COL22A1: variants seen among roughly 807,000 people sequenced by gnomAD.
COL22A1 encodes the protein collagen alpha-1(XXII) chain.
In COL22A1, 221 loss-of-function variants were observed where a neutral mutation model predicts 248.9. The ratio of observed to expected loss-of-function variants is 0.89; its 90% confidence interval spans 0.80 to 0.99. COL22A1 has a LOEUF of 0.99. Among genes scored for constraint, COL22A1 ranks in the 50% least tolerant of loss-of-function variants. The pLI is 0.00. For missense variants in COL22A1, 2,240 were observed against 2,179.0 expected (o/e 1.03, Z -0.56); for synonymous variants, 891 against 793.4 (o/e 1.12, Z -2.07).
At chr8:138,711,462 C>T (rs1323689264) in intron 30 of COL22A1, among the ~76,000 whole-genome samples, 1 of 152,194 alleles carries the variant, frequency 6.6e-6, no homozygotes, top group Non-Finnish European at 1.5e-5. Context: ...ATGGCCCTGG[C>T]AATTCCGTCC....
intron 61 of COL22A1, 139 bp downstream of exon 61, chr8:138,598,580 A>C (rs1817735803): frequency 1.3e-6 from 1 of 758,272 alleles, no homozygotes; most frequent in Admixed American, 2.9e-5. Context: ...AGAGAGGAAA[A>C]GTAGCCTGCC....
In COL22A1 at chr8:138,596,990, G is replaced by A; in HGVS notation, c.4366-20C>T. 6.2e-7 allele frequency: 1 copy of A among 1,605,412 alleles called. No individual in the cohort carries two copies. Among genetic ancestry groups the A allele is most frequent in the Non-Finnish European group, 8.5e-7 (1 of 1,172,646 alleles). ...CTCCCCCTAGGAGGGAGGGAAGGTG[G>A]AGTCATTCATCTTCCCAGTAACTTC... On this transcript the variant is annotated intron_variant, in intron 61 of 64. Coordinates refer to ENST00000303045, the MANE Select transcript of COL22A1 (RefSeq NM_152888.3).
intron 6 of COL22A1, among the ~76,000 whole-genome samples, chr8:138,824,343 C>A (rs537897957): frequency 2.6e-4 from 39 of 152,292 alleles, no homozygotes; most frequent in African/African-American, 9.4e-4. Context: ...AAGGCACTTT[C>A]TATGTCAGCT....
chr8:138,619,562 T>C (rs374483958), intron 52 of COL22A1, 54 bp from the exon 53 acceptor site: 10 of 1,528,978 alleles, frequency 6.5e-6, no homozygotes, highest in Non-Finnish European at 9.1e-6. Flanking sequence ...AGAATCTTCC[T>C]ATTCCTGGCT....
At chr8:138,679,011 G>A (rs1825768833) in intron 40 of COL22A1, among the ~76,000 whole-genome samples, 1 of 152,166 alleles carries the variant, frequency 6.6e-6, no homozygotes, top group Admixed American at 6.5e-5. Flanking sequence ...GACCTCTCAA[G>A]TTCAAGCAAT....
chr8:138,630,476 T>A (rs1820611881), intron 50 of COL22A1, among the ~76,000 whole-genome samples: 1 of 152,182 alleles, frequency 6.6e-6, no homozygotes, highest in Non-Finnish European at 1.5e-5. Context: ...GATCTTCATA[T>A]CATTCCAACC....
chr8:138,892,015 T>A lies in COL22A1; in HGVS notation c.-72-8771A>T, dbSNP rs1311976435. On this transcript the variant is annotated intron_variant, in intron 1 of 64. Coordinates refer to ENST00000303045, the MANE Select transcript of COL22A1 (RefSeq NM_152888.3). ...CCACTTGGCTATGACGTATAATTATTTTCATATGTTGCTTGATTTATTTGC... is the reference window on the plus strand; with the variant it reads ...CCACTTGGCTATGACGTATAATTATATTCATATGTTGCTTGATTTATTTGC... Among the ~76,000 whole-genome samples, 5 of 152,336 alleles carry A rather than the reference T, an allele frequency of 3.3e-5. No individual in the cohort carries two copies. In the East Asian group the frequency reaches 9.6e-4, roughly 29 times the overall value.
Position 138,694,522 on chromosome 8 carries a change from G to A in COL22A1, c.2686C>T (p.Pro896Ser), listed in dbSNP as rs778987274. Residue 896 changes from proline (P) to serine (S), a missense_variant, in exon 34 of 65, where the codon CCC becomes TCC. Coordinates refer to ENST00000303045, the MANE Select transcript of COL22A1 (RefSeq NM_152888.3). ...GGTTTTCTTACCGGTGGTCCAGTGGGTCCCTGAGGCCCCAATTCTCCAGGA... is the reference window on the plus strand; with the variant it reads ...GGTTTTCTTACCGGTGGTCCAGTGGATCCCTGAGGCCCCAATTCTCCAGGA... ...GRPGELGPQGPTGPPGAKGQE... is the reference protein window; with the variant it reads ...GRPGELGPQGSTGPPGAKGQE... 16 of 1,613,874 alleles carry A rather than the reference G, an allele frequency of 9.9e-6. No individual in the cohort carries two copies. The South Asian group carries it at 1.6e-4, about 17-fold the overall frequency.
Position 138,821,357 on chromosome 8 carries a change from C to T in COL22A1, c.1024G>A (p.Ala342Thr). 6.2e-7 allele frequency: 1 copy of T among 1,614,156 alleles called. No individual in the cohort carries two copies. The highest frequency in any genetic ancestry group is 1.3e-5 in the African/African-American group (1 of 75,058). ...NKAVEYNAVGAMKDAVRVVFR... is the reference protein window; with the variant it reads ...NKAVEYNAVGTMKDAVRVVFR... ...ACCACCCTGACAGCATCTTTCATGGCACCCACAGCGTTGTACTCGACTGCC... is the reference window on the plus strand; with the variant it reads ...ACCACCCTGACAGCATCTTTCATGGTACCCACAGCGTTGTACTCGACTGCC... Residue 342 changes from alanine (A) to threonine (T), a missense_variant, in exon 7 of 65, where the codon GCC (alanine) becomes ACC (threonine). Physicochemically the swap from Ala to Thr is moderately conservative, Grantham distance 58 (BLOSUM62 0). Transcript: ENST00000303045.
rs35023865 is a variant in COL22A1 at position 138,902,739 on chromosome 8, T to TACACACAC, written c.-73+10872_-73+10879dup. On this transcript the variant is annotated intron_variant, in intron 1 of 64. Coordinates refer to ENST00000303045, the MANE Select transcript of COL22A1 (RefSeq NM_152888.3). ...AAAAATTTATAAATATATATATATA[T>TACACACAC]ACACACACACACACACACACACACA... Among the ~76,000 whole-genome samples, 420 of 93,864 alleles carry TACACACAC rather than the reference T, an allele frequency of 4.5e-3. 5 individuals are homozygous for TACACACAC. Among genetic ancestry groups the TACACACAC allele is most frequent in the African/African-American group, 0.016 (350 of 22,082 alleles). The allele number at this position is 93,864 out of a possible 152,430, so 61.6% of individuals were successfully genotyped here.
At chr8:138,618,393 C>A (rs139222412) in intron 53 of COL22A1, among the ~76,000 whole-genome samples, 151 of 152,340 alleles carry the variant, frequency 9.9e-4, no homozygotes, top group African/African-American at 3.5e-3. Flanking sequence ...TTACAACTCC[C>A]AGTTGACAGA....
intron 3 of COL22A1, among the ~76,000 whole-genome samples, chr8:138,856,482 CAGAG>C (rs1398167100): frequency 6.7e-6 from 1 of 148,870 alleles, no homozygotes; most frequent in Admixed American, 6.7e-5. Context: ...AAGAGGGAGA[CAGAG>C]AGAGCGAGAG....
chr8:138,742,902 T>C (rs568841392), intron 22 of COL22A1, among the ~76,000 whole-genome samples: 8 of 151,610 alleles, frequency 5.3e-5, no homozygotes, highest in Admixed American at 2.6e-4. Context: ...TTGATGATGA[T>C]GGTAGTAGTG....
intron 10 of COL22A1, among the ~76,000 whole-genome samples, chr8:138,807,324 G>A (rs1373923479): frequency 6.6e-6 from 1 of 152,214 alleles, no homozygotes; most frequent in Non-Finnish European, 1.5e-5. Context: ...ACCACTCTGT[G>A]ACTGAGGACA....
At chr8:138,841,864 T>C (rs1820908120) in intron 4 of COL22A1, among the ~76,000 whole-genome samples, 1 of 152,038 alleles carries the variant, frequency 6.6e-6, no homozygotes, top group African/African-American at 2.4e-5. Context: ...TGTCTGGGAG[T>C]GGCCAGTCCA....
intron 22 of COL22A1, among the ~76,000 whole-genome samples, chr8:138,738,554 C>T (rs1222779597): frequency 6.6e-6 from 1 of 152,106 alleles, no homozygotes; most frequent in Non-Finnish European, 1.5e-5. Flanking sequence ...CCACCTGATC[C>T]TTTCCTAATT....
intron 10 of COL22A1, among the ~76,000 whole-genome samples, chr8:138,804,308 T>C (rs1228694801): frequency 6.6e-6 from 1 of 152,114 alleles, no homozygotes; most frequent in African/African-American, 2.4e-5. Flanking sequence ...GATGACACTA[T>C]AGGACCACGA....
intron 1 of COL22A1, among the ~76,000 whole-genome samples, chr8:138,912,762 A>C (rs1815543082): frequency 6.8e-6 from 1 of 147,054 alleles, no homozygotes; most frequent in African/African-American, 2.5e-5. Context: ...AAAAAAAAAA[A>C]AGTGTCAGGA....
intron 41 of COL22A1, among the ~76,000 whole-genome samples, chr8:138,674,127 C>G (rs181306284): frequency 3.0e-4 from 46 of 152,280 alleles, no homozygotes; most frequent in Non-Finnish European, 5.9e-4. Context: ...CAAACAAACT[C>G]CTTGCTCTTG....
Sources: allele counts gnomAD v4.1 joint callset (sites outside exome capture counted in the v4.1 genomes callset), GRCh38; gene constraint gnomAD v4.1.1; transcripts MANE v1.5; gene names NCBI Gene and HGNC (gene_info 2026-07-23, HGNC 2026-07-21).